RTTN: variants seen among roughly 807,000 people sequenced by gnomAD.
RTTN encodes rotatin.
Under a neutral mutation model 269.2 loss-of-function variants are expected in RTTN, and 182 were observed. The observed-to-expected ratio is 0.68, with a 90% CI of 0.60 to 0.76. The LOEUF is 0.76. Among genes scored for constraint, RTTN ranks in the 30% least tolerant of loss-of-function variants. RTTN has a pLI of 0.00. For synonymous variants in RTTN, 1,006 were observed against 963.5 expected, an observed-to-expected ratio of 1.04 and a Z score of -0.82; for missense variants, 2,545 against 2,608.6, an observed-to-expected ratio of 0.98 and a Z score of 0.53.
rs1451563103 is a variant in RTTN at position 70,134,474 on chromosome 18, T to C, written c.2953A>G (p.Arg985Gly). The C allele has an allele frequency of 2.5e-6, 4 of 1,603,188 alleles. No homozygotes were observed. ...AAATCAGAGAAATAAATCCTTTACC[T>C]TCTAAAAACGGAAACAGGCAAACTG... is the stretch of plus-strand genomic sequence containing the variant. ...VFSLPVSVFR[R>G]YHLPVHVIGH... Residue 985 changes from arginine to glycine, a missense_variant and splice_region_variant, in exon 23 of 49, where the codon AGG becomes GGG. Coordinates refer to ENST00000640769, the MANE Select transcript of RTTN (RefSeq NM_173630.4).
At chr18:70,045,173 A>T (rs2057458853) in intron 40 of RTTN, among the ~76,000 whole-genome samples, 2 of 152,230 alleles carry the variant, frequency 1.3e-5, no homozygotes, top group Admixed American at 6.5e-5. Context: ...CCCCTATGGG[A>T]TACTGCTATA....
intron 43 of RTTN, among the ~76,000 whole-genome samples, chr18:70,028,093 A>G (rs1171299031): frequency 1.3e-5 from 2 of 152,242 alleles, no homozygotes; most frequent in Non-Finnish European, 2.9e-5. Context: ...GCATCAATCT[A>G]GTATTTCAAA....
intron 46 of RTTN, among the ~76,000 whole-genome samples, chr18:70,010,580 C>A (rs774211030): frequency 7.9e-5 from 12 of 152,096 alleles, no homozygotes; most frequent in Non-Finnish European, 1.6e-4. Context: ...TGGGACACAG[C>A]TAAAGCAGTG....
chr18:70,086,538 A>T (rs1188598699), intron 32 of RTTN, 75 bp downstream of exon 32: 7 of 1,104,886 alleles, frequency 6.3e-6, no homozygotes, highest in Middle Eastern at 2.1e-4. Flanking sequence ...AATGAAATAT[A>T]CTACTTATAC....
intron 26 of RTTN, among the ~76,000 whole-genome samples, chr18:70,116,916 C>A (rs1440916949): frequency 8.6e-5 from 13 of 151,778 alleles, no homozygotes; most frequent in South Asian, 4.1e-4. Context: ...GAACTTCCAT[C>A]AAAAAAATGC....
chr18:70,142,699 T>G (rs2060288301), intron 18 of RTTN, among the ~76,000 whole-genome samples: 1 of 152,138 alleles, frequency 6.6e-6, no homozygotes, highest in African/African-American at 2.4e-5. Flanking sequence ...TAATAGCCAT[T>G]CTGGCCGGGT....
intron 28 of RTTN, among the ~76,000 whole-genome samples, chr18:70,103,466 C>T (rs55851103): frequency 4.6e-5 from 7 of 152,086 alleles, no homozygotes; most frequent in African/African-American, 1.7e-4. Flanking sequence ...CCCCCAACCA[C>T]GTGCTCTCTG....
At chr18:70,037,884 C>G (rs2057223343) in intron 40 of RTTN, among the ~76,000 whole-genome samples, 1 of 152,126 alleles carries the variant, frequency 6.6e-6, no homozygotes, top group Admixed American at 6.5e-5. Flanking sequence ...AACTGATTGT[C>G]CTGAAGGGTG....
At chr18:70,030,176 CCAAT>C in intron 41 of RTTN, 67 bp from the exon 42 acceptor site, 1 of 993,476 alleles carries the variant, frequency 1.0e-6, no homozygotes, top group Non-Finnish European at 1.5e-6. Context: ...ACCACATATA[CCAAT>C]CAGATTCTCA....
intron 15 of RTTN, 141 bp from the exon 16 acceptor site, chr18:70,150,228 A>G: frequency 1.6e-6 from 1 of 634,696 alleles, no homozygotes; most frequent in South Asian, 1.9e-5. Flanking sequence ...CTTCCACAGC[A>G]TCATCTTACA....
At chr18:70,127,369 TA>T in intron 25 of RTTN, 132 bp downstream of exon 25, 2 of 1,065,118 alleles carry the variant, frequency 1.9e-6, no homozygotes, top group Non-Finnish European at 2.6e-6. Context: ...TTACAGATGA[TA>T]AAAATCCTGG....
At chr18:70,140,055 T>C (rs528179205) in intron 20 of RTTN, 45 bp downstream of exon 20, 5 of 1,304,370 alleles carry the variant, frequency 3.8e-6, no homozygotes, top group Non-Finnish European at 4.4e-6. Flanking sequence ...ATCTGATTAA[T>C]CAAAACAGCC....
chr18:70,204,993 A>G, intron 2 of RTTN, 135 bp downstream of exon 2: 1 of 799,310 alleles, frequency 1.3e-6, no homozygotes, highest in Non-Finnish European at 2.0e-6. Flanking sequence ...ACCCAGATTA[A>G]TTAAAATTAA....
chr18:70,191,579 T>C (rs898886179), intron 8 of RTTN, among the ~76,000 whole-genome samples: 3 of 152,212 alleles, frequency 2.0e-5, no homozygotes, highest in African/African-American at 7.2e-5. Flanking sequence ...TCCTTGGCTT[T>C]CTTCATTAAA....
intron 34 of RTTN, among the ~76,000 whole-genome samples, chr18:70,068,270 T>C (rs1179653236): frequency 1.3e-5 from 2 of 152,196 alleles, no homozygotes; most frequent in African/African-American, 4.8e-5. Flanking sequence ...AATTTTGGCA[T>C]TAAGTATTAG....
At chr18:70,188,946 A>G (rs2061608665) in intron 9 of RTTN, among the ~76,000 whole-genome samples, 1 of 152,194 alleles carries the variant, frequency 6.6e-6, no homozygotes, top group South Asian at 2.1e-4. Flanking sequence ...TAATTTTTTC[A>G]CTAGAAGAGC....
Position 70,020,632 on chromosome 18 carries a change from T to C in RTTN, c.6136A>G (p.Lys2046Glu), listed in dbSNP as rs762086462. 25 of 1,613,836 alleles carry C rather than the reference T, an allele frequency of 1.5e-5. No individual in the cohort carries two copies. Among genetic ancestry groups the C allele is most frequent in the Non-Finnish European group, 1.9e-5 (22 of 1,179,860 alleles). Residue 2046 changes from lysine (K) to glutamate (E), a missense_variant, in exon 45 of 49, where the codon AAA (lysine) becomes GAA (glutamate). Transcript: ENST00000640769. ...LSNLALSHDC[K>E]GVIQKSNFLQ... The stretch of plus-strand genomic sequence containing the variant: ...GTGCGTACCTTCTGAATTACTCCTT[T>C]ACAGTCATGCGACAAGGCCAGGTTT...
At chr18:70,154,962 C>T (rs936126346) in intron 14 of RTTN, among the ~76,000 whole-genome samples, 1 of 152,074 alleles carries the variant, frequency 6.6e-6, no homozygotes, top group Non-Finnish European at 1.5e-5. Flanking sequence ...ACACATTCAA[C>T]ATCTCACTTT....
At chr18:70,136,301 C>T (rs1391397369) in intron 21 of RTTN, among the ~76,000 whole-genome samples, 1 of 151,980 alleles carries the variant, frequency 6.6e-6, no homozygotes, top group African/African-American at 2.4e-5. Flanking sequence ...AAAGTGTTTT[C>T]AATCTGGAAC....
Sources: allele counts gnomAD v4.1 joint callset (sites outside exome capture counted in the v4.1 genomes callset), GRCh38; gene constraint gnomAD v4.1.1; transcripts MANE v1.5; gene names NCBI Gene and HGNC (gene_info 2026-07-23, HGNC 2026-07-21).